PTPRM: variants seen among roughly 807,000 people sequenced by gnomAD.
The protein encoded by PTPRM is protein tyrosine phosphatase receptor type M, also known as receptor-type tyrosine-protein phosphatase mu.
A neutral mutation model predicts 186.7 loss-of-function variants in PTPRM; 47 were observed. The ratio of observed to expected loss-of-function variants is 0.25; its 90% confidence interval spans 0.20 to 0.32. PTPRM has a LOEUF of 0.32. PTPRM is among the 10% of genes least tolerant of loss of function. The pLI, the probability that PTPRM is intolerant of heterozygous loss-of-function variation, is 1.00. For synonymous variants in PTPRM, 668 were observed against 674.9 expected (o/e 0.99, Z 0.16); for missense variants, 1,494 against 1,865.0 (o/e 0.80, Z 3.66).
chr18:7,855,951 C>G (rs1469197804), intron 2 of PTPRM, among the ~76,000 whole-genome samples: 1 of 152,168 alleles, frequency 6.6e-6, no homozygotes, highest in Admixed American at 6.5e-5. Context: ...GGGAATCAAA[C>G]AGTCATCTGG....
At chr18:8,051,594 G>A (rs1301379602) in intron 7 of PTPRM, among the ~76,000 whole-genome samples, 1 of 152,206 alleles carries the variant, frequency 6.6e-6, no homozygotes, top group Middle Eastern at 3.4e-3. Context: ...TTATAAGATT[G>A]CATCATAGTA....
At chr18:7,726,464 AT>A (rs1175140244) in intron 1 of PTPRM, among the ~76,000 whole-genome samples, 1 of 152,072 alleles carries the variant, frequency 6.6e-6, no homozygotes, top group African/African-American at 2.4e-5. Context: ...TTTATATTTA[AT>A]TTTTTAAGCT....
chr18:7,872,734 G>C (rs1432241238), intron 2 of PTPRM, among the ~76,000 whole-genome samples: 1 of 152,172 alleles, frequency 6.6e-6, no homozygotes, highest in Non-Finnish European at 1.5e-5. Context: ...ACTTAGTATC[G>C]AGTGCCTCTG....
intron 5 of PTPRM, chr18:7,946,915 A>C (rs993755167): frequency 1.5e-5 from 7 of 456,144 alleles, no homozygotes; most frequent in Admixed American, 9.4e-5. Context: ...AGGGCTGAGC[A>C]TGCCTAGCCC....
At chr18:7,573,821 C>G (rs968979190) in intron 1 of PTPRM, among the ~76,000 whole-genome samples, 7 of 151,934 alleles carry the variant, frequency 4.6e-5, no homozygotes, top group African/African-American at 1.7e-4. Context: ...GAACTCCTGA[C>G]CTCAGGTGAT....
intron 15 of PTPRM, among the ~76,000 whole-genome samples, chr18:8,246,526 AAC>A (rs2094477988): frequency 6.6e-6 from 1 of 152,194 alleles, no homozygotes; most frequent in Non-Finnish European, 1.5e-5. Flanking sequence ...GGTGAAGATA[AAC>A]ACAGTTATTT....
chr18:8,088,834 C>T lies in PTPRM; in HGVS notation c.1839C>T (p.Ser613=). 6.2e-7 allele frequency: 1 copy of T among 1,610,026 alleles called. No individual in the cohort carries two copies. The highest frequency in any genetic ancestry group is 8.5e-7 in the Non-Finnish European group (1 of 1,176,570). The change falls in exon 11 of 33, where the codon AGC becomes AGT. Residue 613 remains serine (S), a synonymous_variant. Transcript: ENST00000580170. ...TVTVMLKPAH[S]RGAPVSVYQI... ...CAGTCATGCTGAAACCTGCCCACAG[C>T]AGAGGAGCACCTGTCAGGTATGGAA...
At chr18:8,166,015 C>T (rs1054551763) in intron 14 of PTPRM, among the ~76,000 whole-genome samples, 2 of 152,156 alleles carry the variant, frequency 1.3e-5, no homozygotes, top group Admixed American at 6.5e-5. Flanking sequence ...ATTCTTGTGG[C>T]TGTCTGTGAA....
chr18:8,289,190 A>G (rs1034749257), intron 19 of PTPRM, among the ~76,000 whole-genome samples: 5 of 151,938 alleles, frequency 3.3e-5, no homozygotes, highest in Non-Finnish European at 4.4e-5. Flanking sequence ...CCTTATCTAT[A>G]CAACAGGATT....
chr18:7,605,587 A>C (rs935705110), intron 1 of PTPRM, among the ~76,000 whole-genome samples: 1 of 152,046 alleles, frequency 6.6e-6, no homozygotes, highest in East Asian at 1.9e-4. Context: ...ATCGAACCAA[A>C]TCTCTTTGGT....
chr18:8,019,893 C>G (rs1055966587), intron 7 of PTPRM, among the ~76,000 whole-genome samples: 3 of 150,842 alleles, frequency 2.0e-5, no homozygotes, highest in Non-Finnish European at 3.0e-5. Flanking sequence ...CTCTTGGGTT[C>G]TCATGCATTA....
intron 14 of PTPRM, among the ~76,000 whole-genome samples, chr18:8,169,066 C>T (rs932279115): frequency 3.9e-5 from 6 of 152,038 alleles, no homozygotes; most frequent in Admixed American, 1.3e-4. Context: ...TTATCACGCT[C>T]CTAGGAGATA....
At chr18:7,754,847 A>C (rs905926186) in intron 1 of PTPRM, 4 of 152,262 alleles carry the variant, frequency 2.6e-5, no homozygotes, top group African/African-American at 9.6e-5. Context: ...GACTCCATGC[A>C]GCCAACTGGA....
intron 1 of PTPRM, among the ~76,000 whole-genome samples, chr18:7,773,570 GTTTT>G (rs10708698): frequency 7.0e-5 from 9 of 129,086 alleles, no homozygotes; most frequent in Non-Finnish European, 1.6e-5. Context: ...TCTTTTCTTT[GTTTT>G]TTTTTTTTTT....
At chr18:7,878,394 T>G (rs2048343902) in intron 2 of PTPRM, among the ~76,000 whole-genome samples, 1 of 152,206 alleles carries the variant, frequency 6.6e-6, no homozygotes. Flanking sequence ...GATCAAGCAG[T>G]GAAAATTCCT....
intron 4 of PTPRM, among the ~76,000 whole-genome samples, chr18:7,923,383 G>A (rs73379988): frequency 0.053 from 8,019 of 152,226 alleles, 368 homozygotes; most frequent in East Asian, 0.17. Flanking sequence ...GATGGAAGGC[G>A]GCGGGGGTTG....
chr18:8,201,527 A>G (rs757562726), intron 14 of PTPRM, among the ~76,000 whole-genome samples: 1 of 152,184 alleles, frequency 6.6e-6, no homozygotes, highest in Non-Finnish European at 1.5e-5. Context: ...TCAGGCTTCC[A>G]TAACAAAATA....
At chr18:7,678,424 A>G (rs1437480365) in intron 1 of PTPRM, among the ~76,000 whole-genome samples, 2 of 152,190 alleles carry the variant, frequency 1.3e-5, no homozygotes, top group East Asian at 1.9e-4. Context: ...AGTTCTGTAT[A>G]TGAGAACTAC....
At chr18:8,132,529 A>G (rs2092536381) in intron 13 of PTPRM, among the ~76,000 whole-genome samples, 1 of 152,174 alleles carries the variant, frequency 6.6e-6, no homozygotes, top group South Asian at 2.1e-4. Flanking sequence ...CCTACTAATT[A>G]TCTTATTAGA....
Sources: gnomAD v4.1 joint callset for allele counts (sites outside exome capture counted in the v4.1 genomes callset) on GRCh38, gnomAD v4.1.1 for gene constraint, MANE v1.5 for transcripts, NCBI Gene and HGNC (gene_info 2026-07-23, HGNC 2026-07-21) for gene names.